Variants in CROT observed in about 807,000 individuals in gnomAD.
The protein encoded by CROT is carnitine O-octanoyltransferase.
CROT carries 84 observed loss-of-function variants against 89.2 expected under a neutral mutation model. The ratio of observed to expected loss-of-function variants is 0.94; its 90% CI spans 0.79 to 1.13. The LOEUF (loss-of-function observed/expected upper bound fraction) is 1.13. Among genes scored for constraint, CROT ranks in the 50% most tolerant of loss-of-function variants. CROT has a pLI of 0.00. For synonymous variants in CROT, 212 were observed against 239.5 expected, an observed-to-expected ratio of 0.89 and a Z score of 1.06; for missense variants, 711 against 727.8, an observed-to-expected ratio of 0.98 and a Z score of 0.27.
chr7:87,391,767 A>G, intron 14 of CROT, 55 bp downstream of exon 14: 2 of 1,559,120 alleles, frequency 1.3e-6, no homozygotes, highest in East Asian at 2.3e-5. Flanking sequence ...TTCTAAAGGA[A>G]CCGTGGTCTT....
intron 14 of CROT, 137 bp downstream of exon 14, chr7:87,391,849 T>G: frequency 1.2e-6 from 1 of 869,214 alleles, no homozygotes; most frequent in Non-Finnish European, 1.7e-6. Flanking sequence ...TCTGAGGTTT[T>G]TAAAGCATTT....
At chr7:87,356,221 A>G (rs1288952116) in intron 3 of CROT, among the ~76,000 whole-genome samples, 5 of 152,162 alleles carry the variant, frequency 3.3e-5, no homozygotes, top group Non-Finnish European at 7.4e-5. Flanking sequence ...CATGTTTCCC[A>G]TATTATAAAC....
At chr7:87,365,146 G>GT (rs1806396652) in intron 6 of CROT, among the ~76,000 whole-genome samples, 1 of 152,134 alleles carries the variant, frequency 6.6e-6, no homozygotes, top group Non-Finnish European at 1.5e-5. Context: ...AAGGATTAAA[G>GT]TTTTTGTAAG....
chr7:87,357,639 C>CGCA, intron 3 of CROT: 1 of 783,284 alleles, frequency 1.3e-6, no homozygotes, highest in Non-Finnish European at 2.2e-6. Context: ...AAAGCTACTC[C>CGCA]ATTGCGGAGT....
In CROT at chr7:87,385,369, C is replaced by A. The variant is rs112094026; in HGVS notation, c.1301+2826C>A. Among the ~76,000 whole-genome samples the A allele has an allele frequency of 5.9e-5, 9 of 152,114 alleles. 1 individual carries two copies. Among genetic ancestry groups the A allele is most frequent in the African/African-American group, 1.9e-4 (8 of 41,528 alleles). On this transcript the variant is annotated intron_variant, in intron 13 of 17. Coordinates refer to ENST00000331536, the MANE Select transcript of CROT (RefSeq NM_021151.4). ...TTTTTTGGTGTTCTCTCACTTTCAT[C>A]AGTGTCTTATAGTCTTCCTTGTATT... is the stretch of plus-strand genomic sequence containing the variant.
chr7:87,388,381 C>T (rs1382460525), intron 13 of CROT, among the ~76,000 whole-genome samples: 1 of 152,120 alleles, frequency 6.6e-6, no homozygotes, highest in East Asian at 1.9e-4. Context: ...AACTGTACTA[C>T]AAGGCTACAG....
intron 6 of CROT, among the ~76,000 whole-genome samples, chr7:87,362,351 C>A (rs1488909344): frequency 1.3e-5 from 2 of 150,320 alleles, no homozygotes; most frequent in African/African-American, 4.9e-5. Context: ...ACTCTGTTGC[C>A]CAGGTTGCGA....
Position 87,392,611 on chromosome 7 carries a change from A to C in CROT, c.1471A>C (p.Asn491His). The C allele has an allele frequency of 6.2e-7, 1 of 1,613,574 alleles. No individual in the cohort carries two copies. The highest frequency in any genetic ancestry group is 1.1e-5 in the South Asian group (1 of 91,044). The stretch of plus-strand genomic sequence containing the variant: ...GATGTTACAAGCTTTTGCAAAGCAT[A>C]ATAAAATGATGAAAGATTGTTCAGC... ...QKMLQAFAKH[N>H]KMMKDCSAGK... Residue 491 changes from asparagine to histidine, a missense_variant, in exon 15 of 18, where the codon AAT (asparagine) becomes CAT (histidine). Coordinates refer to ENST00000331536, the MANE Select transcript of CROT (RefSeq NM_021151.4).
At chr7:87,355,231 C>CTGGGATTA (rs1232185380) in intron 3 of CROT, among the ~76,000 whole-genome samples, 1 of 151,950 alleles carries the variant, frequency 6.6e-6, no homozygotes, top group Non-Finnish European at 1.5e-5. Flanking sequence ...TCCCAAGTAG[C>CTGGGATTA]TGGGATTATA....
chr7:87,349,119 G>C lies in CROT; in HGVS notation c.51G>C (p.Gln17His). ...CTGAAGAACGAACATTTCAGTACCA[G>C]GATTCTCTTCCATCACTGCCTGTTC... ...KSTEERTFQY[Q>H]DSLPSLPVPS... The change falls in exon 3 of 18, where the codon CAG becomes CAC. Residue 17 changes from glutamine (Q) to histidine (H), a missense_variant. Transcript: ENST00000331536. 1 of 1,607,960 alleles carries C rather than the reference G, an allele frequency of 6.2e-7. No individual in the cohort carries two copies. Among genetic ancestry groups the C allele is most frequent in the African/African-American group, 1.3e-5 (1 of 74,796 alleles).
At chr7:87,388,349 G>A (rs1381637983) in intron 13 of CROT, among the ~76,000 whole-genome samples, 1 of 152,024 alleles carries the variant, frequency 6.6e-6, no homozygotes, top group Non-Finnish European at 1.5e-5. Flanking sequence ...AAAAACTGGA[G>A]GTATCATGCT....
Position 87,377,930 on chromosome 7 carries a change from T to TA in CROT, c.978+486dup, listed in dbSNP as rs1384250330. On this transcript the variant is annotated intron_variant, in intron 10 of 17. Coordinates refer to ENST00000331536, the MANE Select transcript of CROT (RefSeq NM_021151.4). ...GTTACTACCATTTTGACCATTTTCA[T>TA]AAAAAATGAACAACTTTTCTTGCTT... Among the ~76,000 whole-genome samples, 3 of 152,168 alleles carry TA rather than the reference T, an allele frequency of 2.0e-5. No homozygotes were observed. In the East Asian group the frequency reaches 5.8e-4, roughly 29 times the overall value.
chr7:87,394,620 C>T (rs1249516437), intron 17 of CROT, among the ~76,000 whole-genome samples: 4 of 150,996 alleles, frequency 2.6e-5, no homozygotes, highest in South Asian at 2.1e-4. Context: ...AAAACTTTGC[C>T]GTTTGCAAAA....
Position 87,385,869 on chromosome 7 carries a change from T to C in CROT, c.1301+3326T>C, listed in dbSNP as rs117827271. Among the ~76,000 whole-genome samples the C allele has an allele frequency of 9.8e-4, 149 of 152,372 alleles. No individual in the cohort carries two copies. In the East Asian group the frequency reaches 0.026, roughly 27 times the overall value. On this transcript the variant is annotated intron_variant, in intron 13 of 17. Coordinates refer to ENST00000331536, the MANE Select transcript of CROT (RefSeq NM_021151.4). ...TATATTTCTTCTTTACTGAGTTTGT[T>C]GAAAATTTTTTTTATCATGAAGGTA... is the stretch of plus-strand genomic sequence containing the variant.
chr7:87,378,700 T>C (rs1346853868), intron 10 of CROT, among the ~76,000 whole-genome samples: 1 of 152,218 alleles, frequency 6.6e-6, no homozygotes, highest in East Asian at 1.9e-4. Context: ...TCAGTTGTGA[T>C]TGGCCTGTGT....
intron 9 of CROT, among the ~76,000 whole-genome samples, chr7:87,376,822 C>T (rs1228684435): frequency 6.6e-6 from 1 of 151,976 alleles, no homozygotes; most frequent in Non-Finnish European, 1.5e-5. Flanking sequence ...GCACTAATTA[C>T]TTTTATTGTC....
chr7:87,398,529 T>A lies in CROT; in HGVS notation c.1724T>A (p.Val575Asp). 1 of 1,613,730 alleles carries A rather than the reference T, an allele frequency of 6.2e-7. No homozygotes were observed. The highest frequency in any genetic ancestry group is 8.5e-7 in the Non-Finnish European group (1 of 1,179,872). ...FFYHIRDDRF[V>D]VACSAWKSCP... ...TCATTATTTATGCTTCACAGGTTTG[T>A]TGTGGCCTGTTCAGCCTGGAAATCC... is the stretch of plus-strand genomic sequence containing the variant. The change falls in exon 18 of 18, where the codon GTT becomes GAT. Residue 575 changes from valine to aspartate, a missense_variant. Transcript: ENST00000331536.
At chr7:87,360,198 C>A (rs1584625343) in intron 4 of CROT, 1 of 652,856 alleles carries the variant, frequency 1.5e-6, no homozygotes, top group Non-Finnish European at 1.9e-6. Flanking sequence ...TTTCTTCAAA[C>A]AAGACTCCAG....
chr7:87,363,312 C>A (rs930427727), intron 6 of CROT, among the ~76,000 whole-genome samples: 1 of 152,088 alleles, frequency 6.6e-6, no homozygotes, highest in African/African-American at 2.4e-5. Flanking sequence ...ATGAAAAAAT[C>A]AGAATTCATG....
Sources: allele counts gnomAD v4.1 joint callset (sites outside exome capture counted in the v4.1 genomes callset), GRCh38; gene constraint gnomAD v4.1.1; transcripts MANE v1.5; gene names NCBI Gene and HGNC (gene_info 2026-07-23, HGNC 2026-07-21).